The following ASPHD1 variants were observed in gnomAD, a reference collection of about 807,000 sequenced individuals.
ASPHD1 encodes the protein aspartate beta-hydroxylase domain containing 1.
Under a neutral mutation model 28.3 loss-of-function variants are expected in ASPHD1, and 20 were observed. That is an observed-to-expected ratio of 0.71 (90% CI 0.50 to 1.03). The LOEUF is 1.03. Among genes scored for constraint, ASPHD1 ranks in the 50% least tolerant of loss-of-function variants. The pLI, the probability that ASPHD1 is intolerant of heterozygous loss-of-function variation, is 0.00. For synonymous variants in ASPHD1, 240 were observed against 221.2 expected, an observed-to-expected ratio of 1.08 and a Z score of -0.75; for missense variants, 479 against 524.1, an observed-to-expected ratio of 0.91 and a Z score of 0.84.
chr16:29,913,047 T>C (rs749099679), intron 3 of ASPHD1: 2 of 152,130 alleles, frequency 1.3e-5, no homozygotes, highest in Non-Finnish European at 2.9e-5. Flanking sequence ...AAATTCCAGA[T>C]TTGTTTTTTG....
intron 2 of ASPHD1, among the ~76,000 whole-genome samples, chr16:29,905,451 C>A (rs903923696): frequency 4.0e-5 from 6 of 151,710 alleles, no homozygotes; most frequent in Non-Finnish European, 7.4e-5. Context: ...CATGGTGAAA[C>A]CCCGTCTCTA....
chr16:29,908,488 G>T (rs116629288), downstream of ASPHD1, among the ~76,000 whole-genome samples: 1 of 152,044 alleles, frequency 6.6e-6, no homozygotes, highest in Non-Finnish European at 1.5e-5. Flanking sequence ...AAGTTCAAGC[G>T]ATTTTCCTGC....
chr16:29,906,728 C>T (rs1433360239), downstream of ASPHD1: 1 of 712,076 alleles, frequency 1.4e-6, no homozygotes, highest in Non-Finnish European at 2.5e-6. Flanking sequence ...GGAGAAGGGC[C>T]AAAGTGAGCT....
chr16:29,903,042 C>CA (rs1473243042), intron 1 of ASPHD1, among the ~76,000 whole-genome samples: 1 of 151,678 alleles, frequency 6.6e-6, no homozygotes, highest in African/African-American at 2.4e-5. Flanking sequence ...TGCCCACCAC[C>CA]ATGCTTGGCT....
At chr16:29,917,439 G>A (rs1044409036) in intron 3 of ASPHD1, among the ~76,000 whole-genome samples, 1 of 152,104 alleles carries the variant, frequency 6.6e-6, no homozygotes, top group Non-Finnish European at 1.5e-5. Context: ...TTGAGCTCAG[G>A]AGTTTGAGAC....
At chr16:29,905,309 C>T (rs556151262) in intron 2 of ASPHD1, among the ~76,000 whole-genome samples, 226 of 152,214 alleles carry the variant, frequency 1.5e-3, no homozygotes, top group African/African-American at 4.6e-3. Flanking sequence ...GGTAATACCA[C>T]AGTTTGTTTT....
intron 3 of ASPHD1, among the ~76,000 whole-genome samples, chr16:29,918,870 G>A (rs533740234): frequency 6.6e-6 from 1 of 152,138 alleles, no homozygotes; most frequent in South Asian, 2.1e-4. Context: ...ATGTTGGCCA[G>A]GCTGGTCTTG....
intron 1 of ASPHD1, among the ~76,000 whole-genome samples, chr16:29,902,424 T>G (rs750913723): frequency 6.6e-6 from 1 of 152,210 alleles, no homozygotes; most frequent in Non-Finnish European, 1.5e-5. Context: ...AAAGTACTCA[T>G]AAACACAAGC....
At chr16:29,905,719 T>C in intron 2 of ASPHD1, 69 bp from the exon 3 acceptor site, 3 of 1,015,226 alleles carry the variant, frequency 3.0e-6, no homozygotes, top group South Asian at 1.4e-5. Flanking sequence ...TTTATGGTGT[T>C]TGGTGAGTGC....
At chr16:29,918,409 TA>T (rs2068847538) in intron 3 of ASPHD1, among the ~76,000 whole-genome samples, 1 of 152,240 alleles carries the variant, frequency 6.6e-6, no homozygotes, top group Non-Finnish European at 1.5e-5. Context: ...AATACATACA[TA>T]ATATTACCTA....
At chr16:29,904,195 C>T (rs1057284067) in intron 1 of ASPHD1, among the ~76,000 whole-genome samples, 1 of 152,048 alleles carries the variant, frequency 6.6e-6, no homozygotes, top group Non-Finnish European at 1.5e-5. Context: ...CCTGTAATCC[C>T]AGCATTTTGG....
downstream of ASPHD1, chr16:29,907,072 G>A (rs542170510): frequency 6.2e-7 from 1 of 1,612,178 alleles, no homozygotes; most frequent in South Asian, 1.1e-5. Flanking sequence ...AGGATGTTCA[G>A]GGTCTCCTCG....
At position 29,905,873 on chromosome 16, in the gene ASPHD1, C is replaced by CT; in HGVS notation, c.1152dup (p.Val385CysfsTer54). 3.1e-6 allele frequency: 5 copies of CT among 1,613,224 alleles called. No individual in the cohort carries two copies. Among genetic ancestry groups the CT allele is most frequent in the Non-Finnish European group, 4.2e-6 (5 of 1,179,490 alleles). On this transcript the variant is annotated frameshift_variant, in exon 3 of 3. Coordinates refer to ENST00000308748, the MANE Select transcript of ASPHD1 (RefSeq NM_181718.4). LOFTEE classifies it high-confidence loss of function. ...CAGGGGCTGAGCGCCAGGCCCTCGA[C>CT]TTTGTCTTCGCCCCAGACCCTTGAA...
rs757323827 is a variant in ASPHD1, at chr16:29,901,447, G to A, written c.476G>A (p.Trp159Ter). 3 of 1,604,850 alleles carry A rather than the reference G, an allele frequency of 1.9e-6. No homozygotes were observed. Among genetic ancestry groups the A allele is most frequent in the Non-Finnish European group, 2.5e-6 (3 of 1,177,114 alleles). The change falls in exon 1 of 3, where the codon TGG becomes TAG. Residue 159 changes from tryptophan (W) to a stop codon, truncating the protein, a stop_gained. Coordinates refer to ENST00000308748, the MANE Select transcript of ASPHD1 (RefSeq NM_181718.4). LOFTEE classifies it high-confidence loss of function. The surrounding 1 kb of genome is among the most constrained non-coding windows in gnomAD (Gnocchi z 5.1). ...RLRAYARRYS[W>*]AGMGRVRRAA... is the part of the protein sequence containing the mutation. ...CGGGCCTACGCAAGGCGCTACTCCT[G>A]GGCTGGGATGGGTAGAGTGAGGCGG...
chr16:29,902,811 A>G (rs2068565206), intron 1 of ASPHD1, among the ~76,000 whole-genome samples: 2 of 151,418 alleles, frequency 1.3e-5, no homozygotes, highest in African/African-American at 2.4e-5. Context: ...CACCGTGCCT[A>G]GCCCTACACC....
chr16:29,918,217 G>A lies in ASPHD1; in HGVS notation c.*63-1314G>A, dbSNP rs79019231. On this transcript the variant is annotated intron_variant and NMD_transcript_variant, in intron 3 of 3. Transcript: ENST00000414952. Reference sequence around the variant, plus strand: ...ATTATCAATTTGTGTGTCATTGATAGGTAACTGCCTTAATACAGTGGCCAA... The same window carrying A: ...ATTATCAATTTGTGTGTCATTGATAAGTAACTGCCTTAATACAGTGGCCAA... Among the ~76,000 whole-genome samples the A allele has an allele frequency of 4.7e-4, 72 of 152,296 alleles. 2 individuals carry two copies. The East Asian group carries it at 0.013, about 27-fold the overall frequency.
At position 29,900,987 on chromosome 16, in the gene ASPHD1, G is replaced by C. The variant is rs747582696; in HGVS notation, c.16G>C (p.Gly6Arg). The change falls in exon 1 of 3, where the codon GGG becomes CGG. Residue 6 changes from glycine (G) to arginine (R), a missense_variant. Coordinates refer to ENST00000308748, the MANE Select transcript of ASPHD1 (RefSeq NM_181718.4). The stretch of plus-strand genomic sequence containing the variant: ...TTGGAGGTGCATGAAGGAGGGGAGA[G>C]GGAGCTTCAGCGTGGAGAGAGGACC... MKEGR[G>R]SFSVERGPRK... 5 of 1,555,376 alleles carry C rather than the reference G, an allele frequency of 3.2e-6. No individual in the cohort carries two copies.
In ASPHD1 at chr16:29,901,800, G is replaced by A. The variant is rs2068552928; in HGVS notation, c.829G>A (p.Gly277Arg). 6.4e-7 allele frequency: 1 copy of A among 1,562,010 alleles called. No homozygotes were observed. The highest frequency in any genetic ancestry group is 8.7e-7 in the Non-Finnish European group (1 of 1,153,614). Residue 277 changes from glycine to arginine, a missense_variant, in exon 1 of 3, where the codon GGG becomes AGG. Transcript: ENST00000308748. This position sits in a 1 kb window ranked among gnomAD's most constrained non-coding sequence, Gnocchi z 5.1. ...CCCGGGGGCCTATCGGGCACTGAGG[G>A]GGCTTCGAAGCTTTATGAGTGCCAA... ...RCPGAYRALRGLRSFMSANTF... is the reference protein window; with the variant it reads ...RCPGAYRALRRLRSFMSANTF...
intron 2 of ASPHD1, among the ~76,000 whole-genome samples, chr16:29,905,346 C>T (rs2068595386): frequency 6.6e-6 from 1 of 152,082 alleles, no homozygotes; most frequent in African/African-American, 2.4e-5. Context: ...TACATATCGG[C>T]CGGGCATGGT....
Sources: gnomAD v4.1 joint callset for allele counts (sites outside exome capture counted in the v4.1 genomes callset) on GRCh38, gnomAD v4.1.1 for gene constraint, Gnocchi (gnomAD v3.1) non-coding constraint, MANE v1.5 for transcripts, NCBI Gene and HGNC (gene_info 2026-07-23, HGNC 2026-07-21) for gene names.